The following DNM3 variants were observed in gnomAD, a reference collection of about 807,000 sequenced individuals.
DNM3 encodes dynamin 3.
A neutral mutation model predicts 101.6 loss-of-function variants in DNM3; 47 were observed. The observed-to-expected ratio is 0.46, with a 90% CI of 0.37 to 0.59. The LOEUF (loss-of-function observed/expected upper bound fraction) is 0.59, where lower values mean the gene tolerates loss of function less well. Among genes scored for constraint, DNM3 ranks in the 20% least tolerant of loss-of-function variants. DNM3 has a pLI of 0.00. For missense variants in DNM3, 849 were observed against 1,085.7 expected (o/e 0.78, Z 3.06); for synonymous variants, 385 against 387.9 (o/e 0.99, Z 0.09).
intron 14 of DNM3, among the ~76,000 whole-genome samples, chr1:172,164,990 T>C (rs1247913071): frequency 1.3e-5 from 2 of 152,110 alleles, no homozygotes; most frequent in Non-Finnish European, 2.9e-5. Flanking sequence ...GTCCTGAGGC[T>C]GAGTACTTGG....
At chr1:172,265,974 A>G (rs1203275751) in intron 15 of DNM3, among the ~76,000 whole-genome samples, 2 of 152,266 alleles carry the variant, frequency 1.3e-5, no homozygotes. Context: ...AAGTGTTCCA[A>G]TTCACCTCCT....
rs1003095866 is a variant in DNM3, at chr1:172,417,998, A to G, written c.2541-283A>G. 6.6e-5 allele frequency among the ~76,000 whole-genome samples: 10 copies of G among 152,322 alleles called. No homozygotes were observed. The East Asian group carries it at 1.3e-3, about 21-fold the overall frequency. On this transcript the variant is annotated intron_variant, in intron 20 of 20. Coordinates refer to the DNM3 transcript ENST00000485254. ...TAAGAGTGCATGGATTTATCATTCCATGGTGCAAAATAAGAAGCTTTTTGA... is the reference window on the plus strand; with the variant it reads ...TAAGAGTGCATGGATTTATCATTCCGTGGTGCAAAATAAGAAGCTTTTTGA...
intron 10 of DNM3, among the ~76,000 whole-genome samples, chr1:172,061,672 G>A (rs572805830): frequency 7.1e-6 from 1 of 140,990 alleles, no homozygotes; most frequent in East Asian, 2.2e-4. Flanking sequence ...CACAGGAAGG[G>A]GAACATCACA....
intron 12 of DNM3, among the ~76,000 whole-genome samples, chr1:172,091,509 C>T (rs911722593): frequency 1.2e-4 from 18 of 152,020 alleles, no homozygotes; most frequent in African/African-American, 1.9e-4. Flanking sequence ...CAGATGAAAG[C>T]GGGAAGTACA....
At chr1:172,227,304 A>ATC (rs2061169706) in intron 14 of DNM3, among the ~76,000 whole-genome samples, 5 of 131,534 alleles carry the variant, frequency 3.8e-5, no homozygotes, top group South Asian at 2.5e-4. Flanking sequence ...ATATATATAT[A>ATC]TCACATTTTC....
chr1:172,086,291 C>T (rs1409996172), intron 12 of DNM3, among the ~76,000 whole-genome samples: 1 of 152,070 alleles, frequency 6.6e-6, no homozygotes, highest in Admixed American at 6.6e-5. Context: ...GTTTCTTCTC[C>T]CTTTGGCTTC....
chr1:172,081,934 C>A, intron 12 of DNM3, 32 bp downstream of exon 12: 11 of 1,597,294 alleles, frequency 6.9e-6, no homozygotes, highest in Non-Finnish European at 9.4e-6. Context: ...CACATGCATT[C>A]CTCCTGTTGA....
chr1:171,879,512 T>C (rs1299353070), intron 1 of DNM3, among the ~76,000 whole-genome samples: 3 of 152,082 alleles, frequency 2.0e-5, no homozygotes, highest in East Asian at 1.9e-4. Flanking sequence ...TTACAGATAA[T>C]GGAAATAATT....
At chr1:172,381,550 C>T (rs1276428234) in intron 18 of DNM3, among the ~76,000 whole-genome samples, 1 of 150,934 alleles carries the variant, frequency 6.6e-6, no homozygotes, top group Non-Finnish European at 1.5e-5. Context: ...AAATATATAT[C>T]TCTTTTATTA....
chr1:172,310,066 A>G (rs966070503), intron 16 of DNM3: 3 of 152,234 alleles, frequency 2.0e-5, no homozygotes, highest in Admixed American at 6.5e-5. Context: ...GCACGCATAT[A>G]TGATTTTCAT....
intron 17 of DNM3, among the ~76,000 whole-genome samples, chr1:172,366,081 T>C (rs558433919): frequency 1.3e-5 from 2 of 151,838 alleles, no homozygotes; most frequent in East Asian, 3.9e-4. Flanking sequence ...ATTTTTTTAA[T>C]TAATTAGCTG....
intron 13 of DNM3, among the ~76,000 whole-genome samples, chr1:172,094,284 T>C (rs139001264): frequency 3.3e-3 from 500 of 152,298 alleles, no homozygotes; most frequent in African/African-American, 0.011. Context: ...GAGTTAAATC[T>C]TTGAAAACCA....
At chr1:172,151,744 C>T (rs1012465218) in intron 14 of DNM3, among the ~76,000 whole-genome samples, 7 of 152,088 alleles carry the variant, frequency 4.6e-5, no homozygotes, top group Non-Finnish European at 5.9e-5. Context: ...AGGGCAGGTG[C>T]TTGGAGTTCA....
chr1:172,287,773 A>AAT (rs2063753851), intron 15 of DNM3, among the ~76,000 whole-genome samples: 1 of 147,162 alleles, frequency 6.8e-6, no homozygotes, highest in Non-Finnish European at 1.5e-5. Context: ...AAGTATTTAT[A>AAT]ATATATATAA....
At chr1:172,284,866 T>C (rs1039101275) in intron 15 of DNM3, among the ~76,000 whole-genome samples, 1 of 152,180 alleles carries the variant, frequency 6.6e-6, no homozygotes, top group African/African-American at 2.4e-5. Context: ...AAGGGAGTTA[T>C]GGTTCAACTC....
chr1:171,998,980 G>C (rs1297314522), intron 4 of DNM3, among the ~76,000 whole-genome samples: 1 of 152,076 alleles, frequency 6.6e-6, no homozygotes, highest in Non-Finnish European at 1.5e-5. Context: ...GCAGGGCCCA[G>C]ATCATGTGGG....
At chr1:172,083,519 C>G (rs1572432339) in intron 12 of DNM3, among the ~76,000 whole-genome samples, 1 of 152,256 alleles carries the variant, frequency 6.6e-6, no homozygotes, top group East Asian at 1.9e-4. Flanking sequence ...AAAAATGTAG[C>G]AGATGTCGAT....
chr1:172,308,173 A>G (rs2064925780), intron 15 of DNM3, among the ~76,000 whole-genome samples: 1 of 152,254 alleles, frequency 6.6e-6, no homozygotes, highest in African/African-American at 2.4e-5. Context: ...GAAAAGAAAT[A>G]TAAAAGGAAA....
chr1:172,250,363 G>A (rs1004488104), intron 14 of DNM3, among the ~76,000 whole-genome samples: 1 of 152,102 alleles, frequency 6.6e-6, no homozygotes, highest in Non-Finnish European at 1.5e-5. Context: ...GAGAAAAGAA[G>A]ACATTGGCCA....
Sources: gnomAD v4.1 joint callset for allele counts (sites outside exome capture counted in the v4.1 genomes callset) on GRCh38, gnomAD v4.1.1 for gene constraint, MANE v1.5 for transcripts, NCBI Gene and HGNC (gene_info 2026-07-23, HGNC 2026-07-21) for gene names.